CHRM3: variants seen among roughly 807,000 people sequenced by gnomAD.
CHRM3 encodes cholinergic receptor muscarinic 3, also known as muscarinic acetylcholine receptor M3.
In CHRM3, 11 loss-of-function variants were observed where a neutral mutation model predicts 41.8. The ratio of observed to expected loss-of-function variants is 0.26; its 90% CI spans 0.17 to 0.44. The LOEUF (loss-of-function observed/expected upper bound fraction) is 0.44, where lower values mean the gene tolerates loss of function less well. CHRM3 is among the 20% of genes least tolerant of loss of function. The pLI is 1.00. For synonymous variants in CHRM3, 297 were observed against 301.4 expected, an observed-to-expected ratio of 0.99 and a Z score of 0.15; for missense variants, 571 against 745.4, an observed-to-expected ratio of 0.77 and a Z score of 2.72.
intron 4 of CHRM3, among the ~76,000 whole-genome samples, chr1:239,655,148 T>A (rs1672600629): frequency 6.6e-6 from 1 of 152,182 alleles, no homozygotes; most frequent in Admixed American, 6.5e-5. Context: ...ACTCTGAGAC[T>A]TGTGGTAGTT....
chr1:239,840,636 CT>C (rs1639011637), intron 6 of CHRM3, among the ~76,000 whole-genome samples: 1 of 152,004 alleles, frequency 6.6e-6, no homozygotes, highest in Admixed American at 6.6e-5. Flanking sequence ...CAAAACTGGC[CT>C]TTATTCTGAG....
At chr1:239,483,256 T>C (rs916238036) in intron 1 of CHRM3, among the ~76,000 whole-genome samples, 2 of 152,218 alleles carry the variant, frequency 1.3e-5, no homozygotes, top group African/African-American at 4.8e-5. Flanking sequence ...TAAGATGAGG[T>C]TCAGAAGTGT....
intron 1 of CHRM3, among the ~76,000 whole-genome samples, chr1:239,397,687 TTATATATA>T (rs35998550): frequency 1.4e-5 from 2 of 144,422 alleles, no homozygotes; most frequent in Non-Finnish European, 3.0e-5. Flanking sequence ...ATACATGTAT[TTATATATA>T]TATATATATA....
chr1:239,913,454 C>G lies in CHRM3; in HGVS notation c.*4230C>G, dbSNP rs1170667130. ...CTTATTTAGACAGTATCAACTCTAG[C>G]CCTTAATAGGTTCAAGGACAAGTTT... is the stretch of plus-strand genomic sequence containing the variant. On this transcript the variant is annotated 3_prime_UTR_variant, in exon 7 of 7. Coordinates refer to ENST00000676153, the MANE Select transcript of CHRM3 (RefSeq NM_001375978.1). 3 of 167,018 alleles carry G rather than the reference C, an allele frequency of 1.8e-5. No homozygotes were observed. The highest frequency in any genetic ancestry group is 4.4e-5 in the Non-Finnish European group (3 of 68,120). The allele number at this position is 167,018 out of a possible 1,614,324, so 10.3% of individuals were successfully genotyped here.
At chr1:239,416,177 T>C (rs1014826043) in intron 1 of CHRM3, among the ~76,000 whole-genome samples, 5 of 152,238 alleles carry the variant, frequency 3.3e-5, no homozygotes, top group Admixed American at 1.3e-4. Context: ...CATAGGTTGA[T>C]TTTTATTAAA....
chr1:239,906,767 C>T (rs545054590), intron 6 of CHRM3, among the ~76,000 whole-genome samples: 2 of 152,206 alleles, frequency 1.3e-5, no homozygotes, highest in East Asian at 1.9e-4. Flanking sequence ...CCATTCAAAA[C>T]GTTCTGCTAA....
chr1:239,893,498 G>A (rs1678718370), intron 6 of CHRM3, among the ~76,000 whole-genome samples: 1 of 152,176 alleles, frequency 6.6e-6, no homozygotes. Flanking sequence ...CTTGGGACAA[G>A]TCTTCAACTC....
chr1:239,446,221 C>A (rs772937255), intron 1 of CHRM3, among the ~76,000 whole-genome samples: 7 of 152,128 alleles, frequency 4.6e-5, no homozygotes, highest in African/African-American at 7.2e-5. Flanking sequence ...AGGCGTGAGC[C>A]ACCATGCCTG....
intron 6 of CHRM3, among the ~76,000 whole-genome samples, chr1:239,894,045 G>A (rs181641219): frequency 4.6e-5 from 7 of 152,228 alleles, no homozygotes; most frequent in African/African-American, 1.7e-4. Flanking sequence ...CACAATGACT[G>A]TCTTTTTCTG....
chr1:239,696,138 G>C (rs1236353544), intron 5 of CHRM3, among the ~76,000 whole-genome samples: 2 of 152,094 alleles, frequency 1.3e-5, no homozygotes, highest in East Asian at 3.8e-4. Context: ...GGCCTTGGGT[G>C]GGACATTTAA....
rs1013517158 is a variant in CHRM3, at chr1:239,387,979, C to T, written c.-521+752C>T. Among the ~76,000 whole-genome samples the T allele has an allele frequency of 2.0e-5, 3 of 151,940 alleles. No individual in the cohort carries two copies. Among genetic ancestry groups the T allele is most frequent in the African/African-American group, 7.3e-5 (3 of 41,338 alleles). On this transcript the variant is annotated intron_variant, in intron 1 of 6. Coordinates refer to ENST00000676153, the MANE Select transcript of CHRM3 (RefSeq NM_001375978.1). This position sits in a 1 kb window ranked among gnomAD's most constrained non-coding sequence, Gnocchi z 5.1. ...TTAATTTTTGCGTGTTTTTAAACGGCGGGGGCGGGCGGACAGTTGACTCCA... is the reference window on the plus strand; with the variant it reads ...TTAATTTTTGCGTGTTTTTAAACGGTGGGGGCGGGCGGACAGTTGACTCCA...
intron 1 of CHRM3, among the ~76,000 whole-genome samples, chr1:239,415,221 C>T (rs942211029): frequency 2.0e-5 from 3 of 152,318 alleles, no homozygotes; most frequent in African/African-American, 7.2e-5. Context: ...AGGAGGATCA[C>T]CTGAGGTCAG....
At chr1:239,759,630 T>A (rs1218130221) in intron 5 of CHRM3, among the ~76,000 whole-genome samples, 1 of 152,194 alleles carries the variant, frequency 6.6e-6, no homozygotes, top group Non-Finnish European at 1.5e-5. Context: ...TTTTTAAAAT[T>A]TGTTTTGAAA....
chr1:239,667,772 T>C (rs1023292875), intron 4 of CHRM3, among the ~76,000 whole-genome samples: 1 of 152,136 alleles, frequency 6.6e-6, no homozygotes, highest in Non-Finnish European at 1.5e-5. Context: ...AGTTTTCCTG[T>C]CAAAACTCTA....
At chr1:239,830,584 G>A (rs893707070) in intron 6 of CHRM3, among the ~76,000 whole-genome samples, 2 of 152,152 alleles carry the variant, frequency 1.3e-5, no homozygotes, top group Non-Finnish European at 2.9e-5. Flanking sequence ...CGTGCCTGTA[G>A]TCCCAGCTAC....
chr1:239,797,404 C>G (rs1486576321), intron 5 of CHRM3, among the ~76,000 whole-genome samples: 1 of 142,664 alleles, frequency 7.0e-6, no homozygotes, highest in East Asian at 2.0e-4. Context: ...GATACTCATT[C>G]TTTAAAAAAA....
chr1:239,556,766 T>A (rs1368975869), intron 3 of CHRM3, among the ~76,000 whole-genome samples: 4 of 151,332 alleles, frequency 2.6e-5, no homozygotes, highest in Non-Finnish European at 4.4e-5. Context: ...TAAAAATGTA[T>A]GACAAAAAGA....
rs549414926 is a variant in CHRM3, at chr1:239,436,031, C to T, written c.-521+48804C>T. The stretch of plus-strand genomic sequence containing the variant: ...ATATAGGGTATTTTTTGAAAATAGT[C>T]GTGGAAGACAATGTGAATAATGATC... On this transcript the variant is annotated intron_variant, in intron 1 of 6. Transcript: ENST00000676153. 9.9e-5 allele frequency among the ~76,000 whole-genome samples: 15 copies of T among 152,032 alleles called. No homozygotes were observed. In the South Asian group the frequency reaches 2.5e-3, roughly 25 times the overall value.
chr1:239,614,249 A>T (rs1667385472), intron 3 of CHRM3, among the ~76,000 whole-genome samples: 1 of 152,198 alleles, frequency 6.6e-6, no homozygotes, highest in Non-Finnish European at 1.5e-5. Flanking sequence ...GGTAATTCAG[A>T]TATTCCTGTA....
Sources: gnomAD v4.1 joint callset for allele counts (sites outside exome capture counted in the v4.1 genomes callset) on GRCh38, gnomAD v4.1.1 for gene constraint, Gnocchi (gnomAD v3.1) non-coding constraint, MANE v1.5 for transcripts, NCBI Gene and HGNC (gene_info 2026-07-23, HGNC 2026-07-21) for gene names.